ZDBF2: variants seen among roughly 807,000 people sequenced by gnomAD.
ZDBF2 encodes the protein zinc finger DBF-type containing 2.
Under a neutral mutation model 9.4 loss-of-function variants are expected in ZDBF2, and 6 were observed. That is an observed-to-expected ratio of 0.64 (90% CI 0.35 to 1.27). The LOEUF is 1.27. Among genes scored for constraint, ZDBF2 ranks in the 50% most tolerant of loss-of-function variants. The probability of loss-of-function intolerance (pLI) is 0.03; values close to 1 mark genes in which losing one functional copy is unlikely to be tolerated. For synonymous variants in ZDBF2, 905 were observed against 946.3 expected, an observed-to-expected ratio of 0.96 and a Z score of 0.80; for missense variants, 2,697 against 2,766.8, an observed-to-expected ratio of 0.97 and a Z score of 0.57.
intron 1 of ZDBF2, among the ~76,000 whole-genome samples, chr2:206,278,901 T>C (rs1346367265): frequency 6.6e-6 from 1 of 152,194 alleles, no homozygotes. Context: ...TAAGAAAACT[T>C]GTCTCATATT....
chr2:206,301,346 A>C (rs1692490104), intron 4 of ZDBF2, among the ~76,000 whole-genome samples: 1 of 152,068 alleles, frequency 6.6e-6, no homozygotes, highest in Non-Finnish European at 1.5e-5. Context: ...TGATTTAATC[A>C]GATGTAAGGA....
intron 3 of ZDBF2, among the ~76,000 whole-genome samples, chr2:206,291,772 A>G (rs1355629279): frequency 6.6e-6 from 1 of 152,190 alleles, no homozygotes; most frequent in Non-Finnish European, 1.5e-5. Flanking sequence ...TTGGTTTGCT[A>G]TTAATAATAT....
intron 3 of ZDBF2, among the ~76,000 whole-genome samples, chr2:206,282,391 G>T (rs915764731): frequency 6.6e-6 from 1 of 152,116 alleles, no homozygotes; most frequent in African/African-American, 2.4e-5. Context: ...GTGGGGAGGT[G>T]GGTGAGAAGT....
intron 4 of ZDBF2, among the ~76,000 whole-genome samples, chr2:206,299,973 G>T (rs1574407227): frequency 6.6e-6 from 1 of 152,156 alleles, no homozygotes; most frequent in African/African-American, 2.4e-5. Context: ...GCCGGGCATG[G>T]TGGTGCATGC....
At position 206,307,686 on chromosome 2, in the gene ZDBF2, C is replaced by T; in HGVS notation, c.3158C>T (p.Thr1053Ile). Residue 1053 changes from threonine (T) to isoleucine (I), a missense_variant, in exon 5 of 5, where the codon ACT becomes ATT. This residue lies in a region of ZDBF2 where 1,783 missense variants were observed against 1,776.5 expected (regional missense o/e 1.00). Transcript: ENST00000374423. ...LDSNVPPQSM[T>I]DQPQLAFLKE... is the part of the protein sequence containing the mutation. ...TCTAATGTTCCACCTCAGTCAATGA[C>T]TGACCAACCTCAACTAGCTTTTTTG... is the stretch of plus-strand genomic sequence containing the variant. 3 of 1,613,462 alleles carry T rather than the reference C, an allele frequency of 1.9e-6. No homozygotes were observed.
intron 4 of ZDBF2, among the ~76,000 whole-genome samples, chr2:206,298,967 A>G (rs1157459769): frequency 6.7e-6 from 1 of 150,324 alleles, no homozygotes; most frequent in Non-Finnish European, 1.5e-5. Flanking sequence ...TGCAACCTCC[A>G]TCTCCGAGGC....
chr2:206,307,585 CAAAAT>C lies in ZDBF2; in HGVS notation c.3061_3065del (p.Ile1021GlnfsTer12). On this transcript the variant is annotated frameshift_variant, in exon 5 of 5. Transcript: ENST00000374423. LOFTEE classifies it low-confidence loss of function (END_TRUNC). The stretch of plus-strand genomic sequence containing the variant: ...TAACTGAACCTCAAGTAGCTGTTAA[CAAAAT>C]AAACAGAAAGAAGCAATATGTTCTA... The C allele has an allele frequency of 6.2e-7, 1 of 1,612,648 alleles. No homozygotes were observed. Among genetic ancestry groups the C allele is most frequent in the Non-Finnish European group, 8.5e-7 (1 of 1,179,476 alleles).
Position 206,306,702 on chromosome 2 carries a change from C to A in ZDBF2, c.2174C>A (p.Ala725Asp). The change falls in exon 5 of 5, where the codon GCT (alanine) becomes GAT (aspartate). Residue 725 changes from alanine (A) to aspartate (D), a missense_variant. By Grantham distance (126) the Ala-to-Asp change is moderately radical. Around this residue, in one of 3 missense-constraint regions of ZDBF2, gnomAD observed 910 missense variants for 973.6 expected, o/e 0.93. Transcript: ENST00000374423. Reference protein sequence around the residue: ...YHSAHDEPQEALDEVNLKELN... With the variant: ...YHSAHDEPQEDLDEVNLKELN... ...TCAGCTCATGATGAGCCTCAAGAAG[C>A]TTTGGATGAAGTAAATCTTAAAGAG... The A allele has an allele frequency of 1.5e-5, 24 of 1,613,788 alleles. No individual in the cohort carries two copies. Among genetic ancestry groups the A allele is most frequent in the Non-Finnish European group, 2.0e-5 (24 of 1,179,790 alleles).
chr2:206,304,512 G>A (rs1051969000), intron 4 of ZDBF2, among the ~76,000 whole-genome samples: 3 of 152,086 alleles, frequency 2.0e-5, no homozygotes, highest in African/African-American at 7.2e-5. Context: ...TTGTATTTAA[G>A]TAGCAATTGG....
At position 206,309,552 on chromosome 2, in the gene ZDBF2, G is replaced by A. The variant is rs749703720; in HGVS notation, c.5024G>A (p.Arg1675Gln). The A allele has an allele frequency of 1.7e-5, 27 of 1,613,792 alleles. No individual in the cohort carries two copies. The highest frequency in any genetic ancestry group is 2.7e-5 in the African/African-American group (2 of 74,900). The change falls in exon 5 of 5, where the codon CGA becomes CAA. Residue 1675 changes from arginine (R) to glutamine (Q), a missense_variant. Arg to Gln is a conservative substitution (Grantham distance 43). Transcript: ENST00000374423. ...TTTAATTTGGAAGACACTTCTCATC[G>A]AACGACTCACCGACTGCAGAAAGCT... ...GKFNLEDTSH[R>Q]TTHRLQKAHK...
chr2:206,289,514 T>C (rs544020748), intron 3 of ZDBF2, among the ~76,000 whole-genome samples: 2 of 152,264 alleles, frequency 1.3e-5, no homozygotes, highest in South Asian at 4.1e-4. Flanking sequence ...GTTTAACCAC[T>C]GTTTGTAGCT....
At chr2:206,277,622 A>G (rs1444422430) in intron 1 of ZDBF2, among the ~76,000 whole-genome samples, 1 of 151,840 alleles carries the variant, frequency 6.6e-6, no homozygotes, top group Non-Finnish European at 1.5e-5. Flanking sequence ...CAGATTTGAA[A>G]CTGCCTTCAG....
At chr2:206,281,963 C>G in intron 3 of ZDBF2, 54 bp downstream of exon 3, 1 of 1,444,606 alleles carries the variant, frequency 6.9e-7, no homozygotes, top group South Asian at 1.3e-5. Context: ...TTGTGACTTT[C>G]TCTTACATTT....
intron 3 of ZDBF2, among the ~76,000 whole-genome samples, chr2:206,283,015 G>C (rs908409205): frequency 6.6e-6 from 1 of 152,142 alleles, no homozygotes; most frequent in African/African-American, 2.4e-5. Flanking sequence ...ATATTTTCAC[G>C]GTTCATCCAG....
In ZDBF2 at chr2:206,305,933, G is replaced by A. The variant is rs903899115; in HGVS notation, c.1405G>A (p.Val469Ile). The A allele has an allele frequency of 1.9e-6, 3 of 1,613,334 alleles. No individual in the cohort carries two copies. Among genetic ancestry groups the A allele is most frequent in the South Asian group, 1.1e-5 (1 of 91,026 alleles). ...HLVTNQSQMI[V>I]KEISLQNARH... Reference sequence around the variant, plus strand: ...GGTTACCAACCAATCCCAAATGATTGTTAAAGAAATAAGTCTTCAGAATGC... The same window carrying A: ...GGTTACCAACCAATCCCAAATGATTATTAAAGAAATAAGTCTTCAGAATGC... Residue 469 changes from valine to isoleucine, a missense_variant, in exon 5 of 5, where the codon GTT becomes ATT. Around this residue, in one of 3 missense-constraint regions of ZDBF2, gnomAD observed 910 missense variants for 973.6 expected, o/e 0.93. Transcript: ENST00000374423.
At chr2:206,295,749 A>G (rs1004816359) in intron 3 of ZDBF2, among the ~76,000 whole-genome samples, 5 of 152,114 alleles carry the variant, frequency 3.3e-5, no homozygotes, top group Non-Finnish European at 7.4e-5. Flanking sequence ...TGAAAAGTCA[A>G]TGAAGATTAC....
At chr2:206,299,601 C>G (rs1322318509) in intron 4 of ZDBF2, among the ~76,000 whole-genome samples, 5 of 151,788 alleles carry the variant, frequency 3.3e-5, no homozygotes, top group Non-Finnish European at 7.4e-5. Flanking sequence ...GAACTGCACT[C>G]CAGCCTGGGT....
chr2:206,300,305 A>G (rs1019811728), intron 4 of ZDBF2, among the ~76,000 whole-genome samples: 1 of 152,222 alleles, frequency 6.6e-6, no homozygotes, highest in African/African-American at 2.4e-5. Context: ...CCAGTCCACA[A>G]TCACACGTTG....
Position 206,312,289 on chromosome 2 carries a change from T to TA in ZDBF2, c.*698dup, listed in dbSNP as rs1164732523. On this transcript the variant is annotated 3_prime_UTR_variant, in exon 5 of 5. Coordinates refer to ENST00000374423, the MANE Select transcript of ZDBF2 (RefSeq NM_020923.3). ...GTTTAGGCATTCCCCCCCTTTTTTT[T>TA]AACCACCTTTACTCTCTTCTACATG... The TA allele has an allele frequency of 6.6e-6, 1 of 152,170 alleles. No individual in the cohort carries two copies. The highest frequency in any genetic ancestry group is 2.4e-5 in the African/African-American group (1 of 41,454). The allele number at this position is 152,170 out of a possible 1,614,324, so 9.4% of individuals were successfully genotyped here.
Sources: allele counts gnomAD v4.1 joint callset (sites outside exome capture counted in the v4.1 genomes callset), GRCh38; gene constraint gnomAD v4.1.1; regional missense constraint gnomAD v4.1.1; transcripts MANE v1.5; gene names NCBI Gene and HGNC (gene_info 2026-07-23, HGNC 2026-07-21).